GLDC: variants seen among roughly 807,000 people sequenced by gnomAD.
GLDC encodes glycine dehydrogenase (decarboxylating), mitochondrial.
GLDC carries 104 observed loss-of-function variants against 121.3 expected under a neutral mutation model. That is an observed-to-expected ratio of 0.86 (90% CI 0.73 to 1.01). The LOEUF (loss-of-function observed/expected upper bound fraction) is 1.01. Among genes scored for constraint, GLDC ranks in the 50% least tolerant of loss-of-function variants. The probability of loss-of-function intolerance (pLI) is 0.00; values close to 1 mark genes in which losing one functional copy is unlikely to be tolerated. For synonymous variants in GLDC, 546 were observed against 480.6 expected (o/e 1.14, Z -1.78); for missense variants, 1,429 against 1,306.6 (o/e 1.09, Z -1.44).
chr9:6,590,462 A>G (rs1031600776), intron 11 of GLDC, among the ~76,000 whole-genome samples: 2 of 152,164 alleles, frequency 1.3e-5, no homozygotes, highest in Non-Finnish European at 2.9e-5. Context: ...TTCTCACTCT[A>G]CTAGTTCCCA....
chr9:6,577,290 G>C (rs1050409010), intron 15 of GLDC, among the ~76,000 whole-genome samples: 2 of 152,224 alleles, frequency 1.3e-5, no homozygotes, highest in Admixed American at 6.5e-5. Context: ...CTATTCTGCA[G>C]AGTTTGAACT....
At chr9:6,626,046 C>T (rs1819230730) in intron 2 of GLDC, among the ~76,000 whole-genome samples, 1 of 151,706 alleles carries the variant, frequency 6.6e-6, no homozygotes, top group African/African-American at 2.4e-5. Flanking sequence ...CTGCCTTCAG[C>T]AAAAATCTAT....
intron 2 of GLDC, among the ~76,000 whole-genome samples, chr9:6,620,827 T>G (rs1819076801): frequency 6.6e-6 from 1 of 152,144 alleles, no homozygotes; most frequent in Non-Finnish European, 1.5e-5. Context: ...GGGCAACTTA[T>G]AAAAAGGCCA....
In GLDC at chr9:6,565,401, C is replaced by A; in HGVS notation, c.1879G>T (p.Ala627Ser). The A allele has an allele frequency of 6.2e-7, 1 of 1,613,700 alleles. No homozygotes were observed. The highest frequency in any genetic ancestry group is 8.5e-7 in the Non-Finnish European group (1 of 1,179,628). Residue 627 changes from alanine to serine, a missense_variant, in exon 16 of 25, where the codon GCC becomes TCC. Transcript: ENST00000321612. ...TGGTTTAAGTAGGCTCGGATAGTGG[C>A]CAGTCCAGCATATTCTCCCTGGGCT... ...SGAQGEYAGLATIRAYLNQKG... is the reference protein window; with the variant it reads ...SGAQGEYAGLSTIRAYLNQKG...
At chr9:6,621,032 T>C (rs1040423342) in intron 2 of GLDC, among the ~76,000 whole-genome samples, 3 of 152,046 alleles carry the variant, frequency 2.0e-5, no homozygotes, top group Non-Finnish European at 4.4e-5. Context: ...TAGCCAGGCA[T>C]GGTGGTTCAC....
chr9:6,599,311 T>C (rs141991193), intron 8 of GLDC, among the ~76,000 whole-genome samples: 71 of 152,022 alleles, frequency 4.7e-4, no homozygotes, highest in African/African-American at 1.7e-3. Flanking sequence ...GACGGAAACC[T>C]GGAGGAACCT....
intron 19 of GLDC, 73 bp from the exon 20 acceptor site, chr9:6,553,582 C>T (rs1817559234): frequency 1.4e-6 from 2 of 1,449,954 alleles, no homozygotes; most frequent in South Asian, 1.1e-5. Flanking sequence ...GTTCTGGGCC[C>T]TCCCAGAAAG....
At chr9:6,610,088 T>C (rs1462154836) in intron 4 of GLDC, 104 bp downstream of exon 4, 5 of 910,944 alleles carry the variant, frequency 5.5e-6, no homozygotes, top group East Asian at 5.3e-5. Context: ...AGTCATACTC[T>C]AGAAAGCTGA....
At chr9:6,605,073 A>G (rs1220881237) in intron 6 of GLDC, 58 bp downstream of exon 6, 6 of 1,431,612 alleles carry the variant, frequency 4.2e-6, no homozygotes, top group Non-Finnish European at 4.9e-6. Flanking sequence ...AGAGATAGGT[A>G]GACAGATACA....
intron 15 of GLDC, among the ~76,000 whole-genome samples, chr9:6,575,073 G>A (rs746579170): frequency 2.6e-5 from 4 of 152,000 alleles, no homozygotes; most frequent in Non-Finnish European, 4.4e-5. Context: ...GTGGTGGCGG[G>A]CACCTGTAGC....
rs1337924090 is a variant in GLDC at position 6,645,434 on chromosome 9, C to A, written c.66G>T (p.Leu22=). 5.5e-6 allele frequency: 7 copies of A among 1,280,754 alleles called. No homozygotes were observed. In the East Asian group the frequency reaches 1.9e-4, roughly 35 times the overall value. 79.3% of individuals were successfully genotyped at this position (1,280,754 alleles called of 1,614,324 possible). A position where few individuals can be genotyped will look rare whatever the true frequency, so the allele number is the denominator to read the frequency against. Residue 22 remains leucine, a synonymous_variant, in exon 1 of 25, where the codon CTG becomes CTT. Transcript: ENST00000321612. The part of the protein sequence containing the change: ...LGRGVGGGRR[L]AGGSGPCWAP... The stretch of plus-strand genomic sequence containing the variant: ...CCCAGCACGGCCCCGATCCCCCAGC[C>A]AGGCGGCGGCCGCCCCCGACCCCGC...
At chr9:6,621,631 C>T (rs1819096061) in intron 2 of GLDC, among the ~76,000 whole-genome samples, 1 of 152,148 alleles carries the variant, frequency 6.6e-6, no homozygotes, top group African/African-American at 2.4e-5. Context: ...GATTCTTCTG[C>T]CTCAGCCTCC....
intron 2 of GLDC, among the ~76,000 whole-genome samples, chr9:6,623,751 A>T (rs1819171672): frequency 6.6e-6 from 1 of 152,232 alleles, no homozygotes; most frequent in Admixed American, 6.5e-5. Context: ...TTCCATTGAA[A>T]GTTTAGGAAA....
chr9:6,633,364 C>G (rs1467290649), intron 2 of GLDC, among the ~76,000 whole-genome samples: 3 of 152,154 alleles, frequency 2.0e-5, no homozygotes, highest in Non-Finnish European at 4.4e-5. Flanking sequence ...ATGAATTTGT[C>G]GGAAAACTCA....
At chr9:6,631,555 G>C (rs1377789288) in intron 2 of GLDC, among the ~76,000 whole-genome samples, 3 of 152,158 alleles carry the variant, frequency 2.0e-5, no homozygotes, top group Non-Finnish European at 4.4e-5. Context: ...GCAATTCATA[G>C]TATTTATCTG....
chr9:6,578,701 G>C (rs1404955283), intron 15 of GLDC, among the ~76,000 whole-genome samples: 1 of 151,922 alleles, frequency 6.6e-6, no homozygotes, highest in East Asian at 1.9e-4. Context: ...CACCATGCTA[G>C]GCTAATTTTT....
intron 16 of GLDC, among the ~76,000 whole-genome samples, chr9:6,563,202 C>T (rs1356842102): frequency 1.3e-5 from 2 of 152,266 alleles, no homozygotes; most frequent in African/African-American, 2.4e-5. Flanking sequence ...ATTCTTTCTC[C>T]TTGGCCTTTC....
chr9:6,556,107 TC>T, intron 18 of GLDC, 45 bp downstream of exon 18: 1 of 1,522,950 alleles, frequency 6.6e-7, no homozygotes, highest in Non-Finnish European at 9.1e-7. Context: ...TTTCCACATA[TC>T]CATTTTCTCA....
chr9:6,570,476 C>G lies in GLDC; in HGVS notation c.1851-5047G>C, dbSNP rs918982445. The stretch of plus-strand genomic sequence containing the variant: ...TCATAGTTTGTGCACGGATGGCCAC[C>G]TTTAGTGTGTGATTTCAGTGAAGTT... On this transcript the variant is annotated intron_variant, in intron 15 of 24. Transcript: ENST00000321612. Among the ~76,000 whole-genome samples the G allele has an allele frequency of 5.3e-5, 8 of 152,118 alleles. No individual in the cohort carries two copies. In the South Asian group the frequency reaches 1.2e-3, roughly 24 times the overall value.
Sources: gnomAD v4.1 joint callset for allele counts (sites outside exome capture counted in the v4.1 genomes callset) on GRCh38, gnomAD v4.1.1 for gene constraint, MANE v1.5 for transcripts, NCBI Gene and HGNC (gene_info 2026-07-23, HGNC 2026-07-21) for gene names.